Variants in PAK2 observed in about 807,000 individuals in gnomAD.
PAK2 encodes the protein serine/threonine-protein kinase PAK 2.
Under a neutral mutation model 65.9 loss-of-function variants are expected in PAK2, and 21 were observed. That is an observed-to-expected ratio of 0.32 (90% confidence interval 0.23 to 0.46). The LOEUF (loss-of-function observed/expected upper bound fraction) is 0.46, where lower values mean the gene tolerates loss of function less well. PAK2 is among the 20% of genes least tolerant of loss of function. The pLI, the probability that PAK2 is intolerant of heterozygous loss-of-function variation, is 1.00. For missense variants in PAK2, 324 were observed against 642.6 expected (o/e 0.50, Z 5.36); for synonymous variants, 204 against 219.7 (o/e 0.93, Z 0.63).
intron 7 of PAK2, among the ~76,000 whole-genome samples, chr3:196,809,328 T>TA (rs143470928): frequency 0.022 from 3,162 of 146,682 alleles, 100 homozygotes; most frequent in Admixed American, 0.085. Context: ...ACCTGGCTCT[T>TA]ACTCTGTTAT....
rs529308845 is a variant in PAK2 at position 196,813,871 on chromosome 3, A to C, written c.936-580A>C. Reference sequence around the variant, plus strand: ...AGGCTGAGGCAGGAGAATTGCTTGAACCCAAGAGGTGGAGGCTGCAGTGAG... The same window carrying C: ...AGGCTGAGGCAGGAGAATTGCTTGACCCCAAGAGGTGGAGGCTGCAGTGAG... On this transcript the variant is annotated intron_variant, in intron 10 of 14. Coordinates refer to ENST00000327134, the MANE Select transcript of PAK2 (RefSeq NM_002577.4). Among the ~76,000 whole-genome samples, 18 of 152,026 alleles carry C rather than the reference A, an allele frequency of 1.2e-4. No individual in the cohort carries two copies. The East Asian group carries it at 3.5e-3, about 29-fold the overall frequency.
rs1444566984 is a variant in PAK2, at chr3:196,809,080, A to C, written c.709+1166A>C. Among the ~76,000 whole-genome samples, 5 of 151,008 alleles carry C rather than the reference A, an allele frequency of 3.3e-5. No individual in the cohort carries two copies. The East Asian group carries it at 9.9e-4, about 30-fold the overall frequency. ...AGACCCCGACTCCACCCCCTCAAAAAAAAAAGAAAAAAAGAAAATTAACGA... is the reference window on the plus strand; with the variant it reads ...AGACCCCGACTCCACCCCCTCAAAACAAAAAGAAAAAAAGAAAATTAACGA... On this transcript the variant is annotated intron_variant, in intron 7 of 14. Transcript: ENST00000327134.
At chr3:196,764,487 C>T (rs770691215) in intron 1 of PAK2, among the ~76,000 whole-genome samples, 7 of 151,520 alleles carry the variant, frequency 4.6e-5, no homozygotes, top group African/African-American at 2.4e-5. Context: ...GGCATGGTGG[C>T]GGGTGTCTGT....
intron 7 of PAK2, among the ~76,000 whole-genome samples, chr3:196,808,273 C>T (rs190502957): frequency 7.9e-5 from 12 of 151,770 alleles, no homozygotes; most frequent in South Asian, 6.3e-4. Flanking sequence ...GCCAAGATTG[C>T]GTCGTTGGGC....
At chr3:196,746,913 C>T (rs1713402577) in intron 1 of PAK2, among the ~76,000 whole-genome samples, 1 of 148,882 alleles carries the variant, frequency 6.7e-6, no homozygotes, top group African/African-American at 2.5e-5. Context: ...TTTGATAATT[C>T]GTATTTCCTA....
At chr3:196,766,537 A>G (rs567088065) in intron 1 of PAK2, among the ~76,000 whole-genome samples, 2 of 152,302 alleles carry the variant, frequency 1.3e-5, no homozygotes, top group South Asian at 2.1e-4. Context: ...AAAAAAGTAC[A>G]AGGATTTTCT....
At position 196,827,231 on chromosome 3, in the gene PAK2, A is replaced by G. The variant is rs1360145774; in HGVS notation, c.1386A>G (p.Glu462=). The change falls in exon 14 of 15, where the codon GAA becomes GAG. Residue 462 remains glutamate (E), a synonymous_variant. Transcript: ENST00000327134. ...LYLIATNGTP[E]LQNPEKLSPI... ...TAATAGCAACTAATGGAACCCCAGA[A>G]CTTCAGAATCCAGAGAAACTTTCCC... The G allele has an allele frequency of 6.2e-7, 1 of 1,610,156 alleles. No individual in the cohort carries two copies. Among genetic ancestry groups the G allele is most frequent in the Non-Finnish European group, 8.5e-7 (1 of 1,176,806 alleles).
At chr3:196,799,875 A>C (rs1433382401) in intron 2 of PAK2, among the ~76,000 whole-genome samples, 1 of 152,146 alleles carries the variant, frequency 6.6e-6, no homozygotes, top group Non-Finnish European at 1.5e-5. Context: ...CAGTCTCCCA[A>C]AGTGCCAGGA....
At chr3:196,770,901 G>A (rs1560098174) in intron 1 of PAK2, among the ~76,000 whole-genome samples, 1 of 151,972 alleles carries the variant, frequency 6.6e-6, no homozygotes, top group Non-Finnish European at 1.5e-5. Context: ...GGGATTACAG[G>A]CATGAGCCAC....
intron 7 of PAK2, 24 bp from the exon 8 acceptor site, chr3:196,810,566 C>T (rs1417470471): frequency 5.2e-6 from 7 of 1,358,304 alleles, no homozygotes; most frequent in Admixed American, 1.7e-5. Context: ...CTTGACTGAG[C>T]TTCCAGCTTT....
chr3:196,819,163 C>T (rs1004879109), intron 12 of PAK2, among the ~76,000 whole-genome samples: 13 of 152,058 alleles, frequency 8.5e-5, no homozygotes, highest in Non-Finnish European at 1.6e-4. Flanking sequence ...TGAGGGAGGC[C>T]GGGTGCAGTG....
intron 2 of PAK2, among the ~76,000 whole-genome samples, chr3:196,783,394 C>T (rs1039991253): frequency 6.6e-6 from 1 of 151,976 alleles, no homozygotes; most frequent in Non-Finnish European, 1.5e-5. Flanking sequence ...TTGCAGGGAC[C>T]TATCCCCTGG....
intron 1 of PAK2, among the ~76,000 whole-genome samples, chr3:196,767,521 C>G (rs1714210263): frequency 6.6e-6 from 1 of 152,122 alleles, no homozygotes; most frequent in Non-Finnish European, 1.5e-5. Context: ...CGGAGTCTTG[C>G]TCTGTCACCC....
Position 196,810,637 on chromosome 3 carries a change from G to GA in PAK2, c.763dup (p.Ile255AsnfsTer14). On this transcript the variant is annotated frameshift_variant, in exon 8 of 15. Transcript: ENST00000327134. LOFTEE classifies it high-confidence loss of function. ...CCCTAAGAAAAAATATACAAGATATGAAAAAATTGGACAAGGGTAAGTATT... is the reference window on the plus strand; with the variant it reads ...CCCTAAGAAAAAATATACAAGATATGAAAAAAATTGGACAAGGGTAAGTATT... 6.6e-7 allele frequency: 1 copy of GA among 1,507,250 alleles called. No individual in the cohort carries two copies. Among genetic ancestry groups the GA allele is most frequent in the Non-Finnish European group, 9.2e-7 (1 of 1,083,492 alleles). 93.4% of individuals were successfully genotyped at this position (1,507,250 alleles called of 1,614,324 possible).
chr3:196,810,569 C>T, intron 7 of PAK2, 21 bp from the exon 8 acceptor site: 1 of 1,405,222 alleles, frequency 7.1e-7, no homozygotes, highest in South Asian at 1.2e-5. Context: ...GACTGAGCTT[C>T]CAGCTTTTTG....
chr3:196,812,068 T>C (rs1312721232), intron 8 of PAK2, 151 bp from the exon 9 acceptor site: 1 of 519,738 alleles, frequency 1.9e-6, no homozygotes, highest in Non-Finnish European at 3.6e-6. Context: ...CCACCCCCTT[T>C]CCTCAGGTTT....
chr3:196,765,862 G>A (rs1046143162), intron 1 of PAK2, among the ~76,000 whole-genome samples: 3 of 151,518 alleles, frequency 2.0e-5, no homozygotes, highest in African/African-American at 7.3e-5. Flanking sequence ...ACTTTGCTAG[G>A]TGCTCCTTGA....
chr3:196,826,118 C>CT (rs1276421806), intron 13 of PAK2, among the ~76,000 whole-genome samples: 17 of 152,156 alleles, frequency 1.1e-4, no homozygotes, highest in African/African-American at 4.1e-4. Flanking sequence ...TCCCAGAGTG[C>CT]TAGGATTACA....
At chr3:196,756,880 A>G (rs953219508) in intron 1 of PAK2, among the ~76,000 whole-genome samples, 4 of 152,212 alleles carry the variant, frequency 2.6e-5, no homozygotes, top group East Asian at 1.9e-4. Flanking sequence ...TGGTGCTGCA[A>G]TGAAATAGCA....
Sources: gnomAD v4.1 joint callset for allele counts (sites outside exome capture counted in the v4.1 genomes callset) on GRCh38, gnomAD v4.1.1 for gene constraint, MANE v1.5 for transcripts, NCBI Gene and HGNC (gene_info 2026-07-23, HGNC 2026-07-21) for gene names.